PARD3B: variants seen among roughly 807,000 people sequenced by gnomAD.
PARD3B encodes partitioning defective 3 homolog B.
PARD3B carries 103 observed loss-of-function variants against 130.2 expected under a neutral mutation model. The observed-to-expected ratio is 0.79, with a 90% CI of 0.67 to 0.93. The LOEUF (loss-of-function observed/expected upper bound fraction) is 0.93. Among genes scored for constraint, PARD3B ranks in the 40% least tolerant of loss-of-function variants. PARD3B has a pLI of 0.00. For synonymous variants in PARD3B, 583 were observed against 553.2 expected (o/e 1.05, Z -0.76); for missense variants, 1,609 against 1,499.2 (o/e 1.07, Z -1.21).
chr2:205,310,719 C>CTTTCTTTT (rs35829152), intron 18 of PARD3B, among the ~76,000 whole-genome samples: 1 of 82,590 alleles, frequency 1.2e-5, no homozygotes, highest in African/African-American at 5.4e-5. Flanking sequence ...TTCTTTCTTT[C>CTTTCTTTT]TTTTTTTTTT....
chr2:204,738,015 T>G (rs753285953), intron 2 of PARD3B, among the ~76,000 whole-genome samples: 13 of 152,158 alleles, frequency 8.5e-5, no homozygotes, highest in Non-Finnish European at 1.6e-4. Context: ...ACCTCCAGAT[T>G]TGTTCAAAAA....
At chr2:205,131,011 A>T (rs2031949883) in intron 10 of PARD3B, among the ~76,000 whole-genome samples, 1 of 152,164 alleles carries the variant, frequency 6.6e-6, no homozygotes, top group Admixed American at 6.5e-5. Flanking sequence ...TCTTATTTTT[A>T]AGTAAAAAGT....
In PARD3B at chr2:205,253,398, C is replaced by T. The variant is rs900615322; in HGVS notation, c.2185+7576C>T. 5 of 568,226 alleles carry T rather than the reference C, an allele frequency of 8.8e-6. No homozygotes were observed. The highest frequency in any genetic ancestry group is 1.4e-5 in the South Asian group (1 of 72,574). 35.2% of individuals were successfully genotyped at this position (568,226 alleles called of 1,614,324 possible). On this transcript the variant is annotated intron_variant, in intron 16 of 22. Transcript: ENST00000406610. The surrounding 1 kb of genome is among the most constrained non-coding windows in gnomAD (Gnocchi z 4.4). ...CAGTGCTGACACACCCATGGCCATACGTTTGGTCTTCTTGGCCTTGGCTGG... is the reference window on the plus strand; with the variant it reads ...CAGTGCTGACACACCCATGGCCATATGTTTGGTCTTCTTGGCCTTGGCTGG...
At chr2:205,420,801 G>C (rs1313452828) in intron 19 of PARD3B, among the ~76,000 whole-genome samples, 1 of 152,180 alleles carries the variant, frequency 6.6e-6, no homozygotes, top group African/African-American at 2.4e-5. Flanking sequence ...AATTTTCTAA[G>C]AGAGAGAATG....
chr2:204,788,787 T>A (rs1432789655), intron 2 of PARD3B, among the ~76,000 whole-genome samples: 1 of 152,142 alleles, frequency 6.6e-6, no homozygotes, highest in African/African-American at 2.4e-5. Flanking sequence ...CAAGTTAGAA[T>A]AATAGCAAAA....
At position 205,351,657 on chromosome 2, in the gene PARD3B, A is replaced by T. The variant is rs1170423699; in HGVS notation, c.2631-49356A>T. On this transcript the variant is annotated intron_variant, in intron 18 of 22. Coordinates refer to ENST00000406610, the MANE Select transcript of PARD3B (RefSeq NM_001302769.2). This position sits in a 1 kb window ranked among gnomAD's most constrained non-coding sequence, Gnocchi z 4.2. ...CAGGAGCCACTGCCTTGGAAATTGG[A>T]GGCAGTTATTTCATTTCCGGTGATG... is the stretch of plus-strand genomic sequence containing the variant. Among the ~76,000 whole-genome samples, 1 of 152,184 alleles carries T rather than the reference A, an allele frequency of 6.6e-6. No homozygotes were observed. The highest frequency in any genetic ancestry group is 1.5e-5 in the Non-Finnish European group (1 of 68,026).
At chr2:204,734,333 A>G (rs544642151) in intron 2 of PARD3B, among the ~76,000 whole-genome samples, 1 of 152,358 alleles carries the variant, frequency 6.6e-6, no homozygotes, top group East Asian at 1.9e-4. Context: ...AATTTAGAAT[A>G]GTCTAATCAT....
chr2:204,669,141 A>G lies in PARD3B; in HGVS notation c.121-17040A>G, dbSNP rs2036161566. Reference sequence around the variant, plus strand: ...TAAATCAGTGTTATTGCAGTCCACTAAGTTGGTAGGTAATTTGTAACCGGA... The same window carrying G: ...TAAATCAGTGTTATTGCAGTCCACTGAGTTGGTAGGTAATTTGTAACCGGA... On this transcript the variant is annotated intron_variant, in intron 1 of 22. Transcript: ENST00000406610. The surrounding 1 kb of genome is among the most constrained non-coding windows in gnomAD (Gnocchi z 4.3). Among the ~76,000 whole-genome samples the G allele has an allele frequency of 6.6e-6, 1 of 152,162 alleles. No homozygotes were observed. Among genetic ancestry groups the G allele is most frequent in the African/African-American group, 2.4e-5 (1 of 41,440 alleles).
At chr2:205,588,198 G>A (rs1420586240) in intron 22 of PARD3B, among the ~76,000 whole-genome samples, 1 of 152,166 alleles carries the variant, frequency 6.6e-6, no homozygotes, top group African/African-American at 2.4e-5. Context: ...TTTTCTAATT[G>A]AGTCATGAAA....
intron 1 of PARD3B, among the ~76,000 whole-genome samples, chr2:204,580,093 AG>A (rs1403466529): frequency 1.3e-5 from 2 of 152,206 alleles, no homozygotes; most frequent in Non-Finnish European, 2.9e-5. Context: ...TCCTTGACCC[AG>A]GGGGACCCAT....
chr2:204,647,340 C>G (rs1353411736), intron 1 of PARD3B, among the ~76,000 whole-genome samples: 1 of 151,228 alleles, frequency 6.6e-6, no homozygotes, highest in Non-Finnish European at 1.5e-5. Flanking sequence ...CATATCTGTC[C>G]TTTGTTGGAT....
At chr2:205,080,232 C>G (rs1489085517) in intron 4 of PARD3B, among the ~76,000 whole-genome samples, 1 of 151,994 alleles carries the variant, frequency 6.6e-6, no homozygotes, top group Non-Finnish European at 1.5e-5. Flanking sequence ...CTTGATTTGT[C>G]AACTTTACAG....
chr2:204,849,800 A>AT (rs548233607), intron 2 of PARD3B, among the ~76,000 whole-genome samples: 46 of 151,078 alleles, frequency 3.0e-4, no homozygotes, highest in East Asian at 5.8e-4. Flanking sequence ...TTAAATTAGC[A>AT]TTTTTTTTTG....
intron 1 of PARD3B, among the ~76,000 whole-genome samples, chr2:204,663,401 A>G (rs1427326127): frequency 6.6e-6 from 1 of 152,246 alleles, no homozygotes; most frequent in African/African-American, 2.4e-5. Context: ...TGCTGAACTT[A>G]CAATCATATT....
In PARD3B at chr2:205,590,536, G is replaced by A. The variant is rs900854273; in HGVS notation, c.3261-24920G>A. On this transcript the variant is annotated intron_variant, in intron 22 of 22. Coordinates refer to ENST00000406610, the MANE Select transcript of PARD3B (RefSeq NM_001302769.2). This position sits in a 1 kb window ranked among gnomAD's most constrained non-coding sequence, Gnocchi z 4.1. ...GGGATGGAACGTTCTGATGATCCAG[G>A]CCTGGGTCACATGCCCCTCTGGAGT... is the stretch of plus-strand genomic sequence containing the variant. 6.6e-6 allele frequency among the ~76,000 whole-genome samples: 1 copy of A among 152,148 alleles called. No homozygotes were observed. The highest frequency in any genetic ancestry group is 1.5e-5 in the Non-Finnish European group (1 of 68,032).
chr2:204,922,191 T>C (rs1003967448), intron 2 of PARD3B, among the ~76,000 whole-genome samples: 6 of 152,168 alleles, frequency 3.9e-5, no homozygotes, highest in South Asian at 2.1e-4. Flanking sequence ...GTTTATGCAA[T>C]AAATAATAGA....
At chr2:205,023,697 T>C (rs1032254303) in intron 3 of PARD3B, among the ~76,000 whole-genome samples, 1 of 152,104 alleles carries the variant, frequency 6.6e-6, no homozygotes, top group East Asian at 1.9e-4. Flanking sequence ...TTCTATGCAG[T>C]CATATTTCTT....
At position 205,121,166 on chromosome 2, in the gene PARD3B, C is replaced by T. The variant is rs1318133221; in HGVS notation, c.807-425C>T. 6.6e-6 allele frequency among the ~76,000 whole-genome samples: 1 copy of T among 152,204 alleles called. No individual in the cohort carries two copies. Among genetic ancestry groups the T allele is most frequent in the Non-Finnish European group, 1.5e-5 (1 of 68,026 alleles). Reference sequence around the variant, plus strand: ...TTTAGAAGGATGTCCTAAAAGAAACCTAACTAATGATCTGATCCAAAATAT... The same window carrying T: ...TTTAGAAGGATGTCCTAAAAGAAACTTAACTAATGATCTGATCCAAAATAT... On this transcript the variant is annotated intron_variant, in intron 7 of 22. Transcript: ENST00000406610. The surrounding 1 kb of genome is among the most constrained non-coding windows in gnomAD (Gnocchi z 5.0).
chr2:204,585,359 A>T (rs1428288388), intron 1 of PARD3B, among the ~76,000 whole-genome samples: 1 of 151,854 alleles, frequency 6.6e-6, no homozygotes, highest in Non-Finnish European at 1.5e-5. Flanking sequence ...TTTTCTTCAG[A>T]TCTTGCTCTG....
Sources: allele counts gnomAD v4.1 joint callset (sites outside exome capture counted in the v4.1 genomes callset), GRCh38; gene constraint gnomAD v4.1.1; non-coding constraint Gnocchi (gnomAD v3.1); transcripts MANE v1.5; gene names NCBI Gene and HGNC (gene_info 2026-07-23, HGNC 2026-07-21).